APEX2: variants seen among roughly 807,000 people sequenced by gnomAD.
The protein encoded by APEX2 is DNA-(apurinic or apyrimidinic site) endonuclease 2.
A neutral mutation model predicts 16.7 loss-of-function variants in APEX2; 4 were observed. The ratio of observed to expected loss-of-function variants is 0.24; its 90% CI spans 0.12 to 0.55. The LOEUF (loss-of-function observed/expected upper bound fraction) is 0.55, where lower values mean the gene tolerates loss of function less well. Among genes scored for constraint, APEX2 ranks in the 20% least tolerant of loss-of-function variants. The probability of loss-of-function intolerance (pLI) is 0.94; values close to 1 mark genes in which losing one functional copy is unlikely to be tolerated. For synonymous variants in APEX2, 181 were observed against 166.9 expected (o/e 1.08, Z -0.65); for missense variants, 357 against 433.6 (o/e 0.82, Z 1.57).
intron 5 of APEX2, among the ~76,000 whole-genome samples, chrX:55,004,186 A>T (rs1296480041): frequency 8.9e-6 from 1 of 112,667 alleles, no homozygotes; most frequent in Non-Finnish European, 1.9e-5. Flanking sequence ...GGGCAGAGGC[A>T]CAGATGGCAT....
At chrX:55,003,148 C>G in intron 4 of APEX2, 40 bp downstream of exon 4, 1 of 1,198,507 alleles carries the variant, frequency 8.3e-7, no homozygotes, top group Non-Finnish European at 1.1e-6. Flanking sequence ...TTGAGTTGGT[C>G]CTGGGTGCCC....
In APEX2 at chrX:55,000,524, C is replaced by G; in HGVS notation, c.102C>G (p.Arg34=). ...ACTGTGCCGCCGTGGCCGTGGGGCG[C>G]ATTTTGGACGAGCTGGATGCGGATA... is the stretch of plus-strand genomic sequence containing the variant. ...PSNCAAVAVG[R]ILDELDADIV... The change falls in exon 1 of 6, where the codon CGC becomes CGG. Residue 34 remains arginine, a synonymous_variant. Coordinates refer to ENST00000374987, the MANE Select transcript of APEX2 (RefSeq NM_014481.4). The G allele has an allele frequency of 1.7e-6, 2 of 1,210,476 alleles. No homozygotes were observed. Among genetic ancestry groups the G allele is most frequent in the Non-Finnish European group, 2.2e-6 (2 of 894,824 alleles).
At chrX:55,005,349 A>G (rs967565749) in intron 5 of APEX2, among the ~76,000 whole-genome samples, 1 of 111,413 alleles carries the variant, frequency 9.0e-6, no homozygotes, top group Admixed American at 9.5e-5. Context: ...TACCTCTTTC[A>G]TTTTCTCCTC....
rs775937817 is a variant in APEX2, at chrX:55,007,347, G to A, written c.1469G>A (p.Arg490His). 5 of 1,205,412 alleles carry A rather than the reference G, an allele frequency of 4.1e-6. No individual in the cohort carries two copies. Among genetic ancestry groups the A allele is most frequent in the South Asian group, 1.8e-5 (1 of 55,978 alleles). Residue 490 changes from arginine to histidine, a missense_variant, in exon 6 of 6, where the codon CGC becomes CAC. By Grantham distance (29) the Arg-to-His change is conservative. Coordinates refer to ENST00000374987, the MANE Select transcript of APEX2 (RefSeq NM_014481.4). Reference sequence around the variant, plus strand: ...AAGAAGCCAGGACCCAACTTGGGCCGCCGCTTCTACATGTGTGCCAGGCCC... The same window carrying A: ...AAGAAGCCAGGACCCAACTTGGGCCACCGCTTCTACATGTGTGCCAGGCCC... ...TVKKPGPNLG[R>H]RFYMCARPRG... is the part of the protein sequence containing the mutation.
At chrX:55,001,254 G>T (rs1460824921) in intron 1 of APEX2, among the ~76,000 whole-genome samples, 1 of 107,430 alleles carries the variant, frequency 9.3e-6, no homozygotes, top group Non-Finnish European at 1.9e-5. Flanking sequence ...TCCTCCTATC[G>T]TTCAGACCCC....
intron 1 of APEX2, among the ~76,000 whole-genome samples, 193 bp downstream of exon 1, chrX:55,000,772 A>G (rs1490745220): frequency 9.1e-6 from 1 of 109,934 alleles, no homozygotes; most frequent in African/African-American, 3.3e-5. Flanking sequence ...TCCTGTCTTC[A>G]GCAAACTTTA....
At position 55,001,585 on chromosome X, in the gene APEX2, A is replaced by G. The variant is rs775230915; in HGVS notation, c.197A>G (p.Tyr66Cys). Residue 66 changes from tyrosine (Y) to cysteine (C), a missense_variant, in exon 2 of 6, where the codon TAT (tyrosine) becomes TGT (cysteine). Coordinates refer to ENST00000374987, the MANE Select transcript of APEX2 (RefSeq NM_014481.4). ...LTEPLAIVEG[Y>C]NSYFSFSRNR... ...GAGCCCCTGGCTATCGTTGAGGGTT[A>G]TAACTCCTATTTCAGCTTCAGCCGC... The G allele has an allele frequency of 4.1e-6, 5 of 1,205,826 alleles. No individual in the cohort carries two copies. In the East Asian group the frequency reaches 1.2e-4, roughly 29 times the overall value.
intron 3 of APEX2, 146 bp downstream of exon 3, chrX:55,002,577 CAG>C (rs1390368008): frequency 1.4e-6 from 1 of 701,832 alleles, no homozygotes; most frequent in African/African-American, 2.2e-5. Context: ...CTGGGCTACT[CAG>C]TGTGTGACCC....
In APEX2 at chrX:55,008,523, A is replaced by T. The variant is rs757261918; in HGVS notation, c.*1088A>T. 1.6e-4 allele frequency: 16 copies of T among 101,443 alleles called. No individual in the cohort carries two copies. The highest frequency in any genetic ancestry group is 1.4e-3 in the Admixed American group (14 of 10,161). 8.4% of individuals were successfully genotyped at this position (101,443 alleles called of 1,213,427 possible). ...GAGGCGGAGGTTGCAGTGGGCTGAG[A>T]TCATGCATTGCACTCCAGCCTGGGC... On this transcript the variant is annotated 3_prime_UTR_variant, in exon 6 of 6. Coordinates refer to ENST00000374987, the MANE Select transcript of APEX2 (RefSeq NM_014481.4).
chrX:55,001,109 C>G (rs1032836223), intron 1 of APEX2, among the ~76,000 whole-genome samples: 3 of 109,871 alleles, frequency 2.7e-5, no homozygotes, highest in Non-Finnish European at 1.9e-5. Context: ...TCTTCACCCT[C>G]TTATCTCCCC....
chrX:55,003,175 C>T (rs1935465871), intron 4 of APEX2, 67 bp downstream of exon 4: 1 of 1,145,359 alleles, frequency 8.7e-7, no homozygotes, highest in South Asian at 2.0e-5. Context: ...GTGTCAAGCT[C>T]CATTGAAAGG....
chrX:55,000,639 C>G, intron 1 of APEX2, 60 bp downstream of exon 1: 1 of 1,108,802 alleles, frequency 9.0e-7, no homozygotes, highest in Middle Eastern at 2.5e-4. Flanking sequence ...ACTTTTGTCC[C>G]CTGTCCCATG....
Position 55,007,280 on chromosome X carries a change from C to G in APEX2, c.1402C>G (p.Leu468Val). 1 of 1,212,194 alleles carries G rather than the reference C, an allele frequency of 8.2e-7. No homozygotes were observed. The highest frequency in any genetic ancestry group is 1.1e-6 in the Non-Finnish European group (1 of 895,579). ...SVLAGPLRTP[L>V]CGGHREPCVM... ...GCTGGCGGGGCCCTTGCGCACACCC[C>G]TCTGTGGGGGCCACAGGGAGCCATG... The change falls in exon 6 of 6, where the codon CTC becomes GTC. Residue 468 changes from leucine to valine, a missense_variant. Physicochemically the swap from Leu to Val is conservative, Grantham distance 32. Transcript: ENST00000374987.
rs1186754563 is a variant in APEX2, at chrX:55,007,588, C to G, written c.*153C>G. On this transcript the variant is annotated 3_prime_UTR_variant, in exon 6 of 6. Transcript: ENST00000374987. The stretch of plus-strand genomic sequence containing the variant: ...CTCTCTTCCTCGCTTTCCTTCCTAC[C>G]TAGCTCCTTGTTGGTGAGCTTCTTG... 1.1e-5 allele frequency: 7 copies of G among 632,545 alleles called. No homozygotes were observed. The highest frequency in any genetic ancestry group is 1.6e-5 in the Non-Finnish European group (7 of 441,698). The allele number at this position is 632,545 out of a possible 1,213,427, so 52.1% of individuals were successfully genotyped here. A position where few individuals can be genotyped will look rare whatever the true frequency, so the allele number is the denominator to read the frequency against.
In APEX2 at chrX:55,000,380, C is replaced by G; in HGVS notation, c.-43C>G. The G allele has an allele frequency of 2.7e-6, 3 of 1,115,549 alleles. No homozygotes were observed. Among genetic ancestry groups the G allele is most frequent in the Non-Finnish European group, 3.5e-6 (3 of 847,537 alleles). 91.9% of individuals were successfully genotyped at this position (1,115,549 alleles called of 1,213,427 possible). A position where few individuals can be genotyped will look rare whatever the true frequency, so the allele number is the denominator to read the frequency against. On this transcript the variant is annotated 5_prime_UTR_variant, in exon 1 of 6. Transcript: ENST00000374987. ...TTCTGAACAGGAAGCAGTTCGCTCG[C>G]GCCTAGGTTGGCGCGGGCTGGGAGG...
In APEX2 at chrX:55,006,498, C is replaced by T. The variant is rs1266165735; in HGVS notation, c.640-20C>T. ...TAGTTCTGTCTCTCTCTCTTCCAAC[C>T]CCCTTTCCTCCTCACCTAGGAATGC... On this transcript the variant is annotated intron_variant, in intron 5 of 5. Coordinates refer to ENST00000374987, the MANE Select transcript of APEX2 (RefSeq NM_014481.4). The T allele has an allele frequency of 9.2e-7, 1 of 1,091,420 alleles. No homozygotes were observed. Among genetic ancestry groups the T allele is most frequent in the Non-Finnish European group, 1.2e-6 (1 of 834,595 alleles). 89.9% of individuals were successfully genotyped at this position (1,091,420 alleles called of 1,213,427 possible).
chrX:55,003,932 C>A (rs922727628), intron 5 of APEX2, 64 bp downstream of exon 5: 1 of 1,106,356 alleles, frequency 9.0e-7, no homozygotes, highest in Non-Finnish European at 1.2e-6. Context: ...GCCAACCAAC[C>A]CTGAGTTTTT....
At chrX:55,000,743 C>T (rs1309863937) in intron 1 of APEX2, among the ~76,000 whole-genome samples, 164 bp downstream of exon 1, 2 of 110,712 alleles carry the variant, frequency 1.8e-5, no homozygotes, top group Non-Finnish European at 3.8e-5. Flanking sequence ...CTAGCTAGAT[C>T]CCCTAATTGC....
At chrX:55,005,659 T>A (rs996667900) in intron 5 of APEX2, among the ~76,000 whole-genome samples, 1 of 111,745 alleles carries the variant, frequency 8.9e-6, no homozygotes, top group Admixed American at 9.5e-5. Flanking sequence ...GTGACCATCA[T>A]CTTGCTTGTG....
Sources: allele counts gnomAD v4.1 joint callset (sites outside exome capture counted in the v4.1 genomes callset), GRCh38; gene constraint gnomAD v4.1.1; transcripts MANE v1.5; gene names NCBI Gene and HGNC (gene_info 2026-07-23, HGNC 2026-07-21).